The following NBEA variants were observed in gnomAD, a reference collection of about 807,000 sequenced individuals.
NBEA encodes the protein lysosomal-trafficking regulator 2.
A neutral mutation model predicts 343.4 loss-of-function variants in NBEA; 44 were observed. The observed-to-expected ratio is 0.13, with a 90% CI of 0.10 to 0.16. The LOEUF (loss-of-function observed/expected upper bound fraction) is 0.16, where lower values mean the gene tolerates loss of function less well. NBEA is among the 10% of genes least tolerant of loss of function. NBEA has a pLI of 1.00. For synonymous variants in NBEA, 1,175 were observed against 1,238.7 expected, an observed-to-expected ratio of 0.95 and a Z score of 1.08; for missense variants, 2,555 against 3,631.3, an observed-to-expected ratio of 0.70 and a Z score of 7.62.
chr13:35,271,419 T>C (rs892184022), intron 34 of NBEA, among the ~76,000 whole-genome samples: 1 of 152,148 alleles, frequency 6.6e-6, no homozygotes, highest in Admixed American at 6.5e-5. Flanking sequence ...GCAGAAGGGC[T>C]GAAAATTCCA....
chr13:35,308,749 C>A (rs150650388), intron 35 of NBEA, among the ~76,000 whole-genome samples: 1 of 148,934 alleles, frequency 6.7e-6, no homozygotes, highest in East Asian at 2.0e-4. Flanking sequence ...AAATAGAAAT[C>A]ACTAGCATAA....
At chr13:35,321,970 T>C (rs2038180866) in intron 36 of NBEA, among the ~76,000 whole-genome samples, 1 of 152,170 alleles carries the variant, frequency 6.6e-6, no homozygotes, top group Admixed American at 6.5e-5. Flanking sequence ...GGGTCCCAGG[T>C]TGACTTCAGA....
At chr13:35,220,346 A>T (rs1027766490) in intron 33 of NBEA, among the ~76,000 whole-genome samples, 2 of 152,064 alleles carry the variant, frequency 1.3e-5, no homozygotes, top group Non-Finnish European at 2.9e-5. Flanking sequence ...ACCTAGTATC[A>T]TATTTCTTCT....
intron 35 of NBEA, among the ~76,000 whole-genome samples, chr13:35,297,513 C>T (rs1395757112): frequency 2.0e-5 from 3 of 151,956 alleles, no homozygotes; most frequent in African/African-American, 2.4e-5. Context: ...AATATATTAA[C>T]ATTTATGAAG....
At chr13:35,197,901 AG>A (rs2072738712) in intron 31 of NBEA, among the ~76,000 whole-genome samples, 1 of 152,218 alleles carries the variant, frequency 6.6e-6, no homozygotes. Context: ...GAAAATGTTA[AG>A]TGGCACTGGT....
At chr13:35,059,024 GCTT>G (rs776806833) in intron 8 of NBEA, among the ~76,000 whole-genome samples, 161 bp downstream of exon 8, 4 of 151,898 alleles carry the variant, frequency 2.6e-5, no homozygotes, top group Non-Finnish European at 5.9e-5. Flanking sequence ...GTTCAAAGAT[GCTT>G]CTTAACCATT....
intron 41 of NBEA, among the ~76,000 whole-genome samples, chr13:35,531,370 C>T (rs1188920616): frequency 6.6e-6 from 1 of 152,146 alleles, no homozygotes; most frequent in Non-Finnish European, 1.5e-5. Flanking sequence ...GTAGATAGAA[C>T]ATGCCCAAAT....
intron 48 of NBEA, 119 bp from the exon 49 acceptor site, chr13:35,627,962 C>A: frequency 1.4e-6 from 1 of 713,872 alleles, no homozygotes; most frequent in Non-Finnish European, 2.1e-6. Flanking sequence ...AAATCAAGTA[C>A]AGAAATTTAA....
chr13:35,116,540 C>T (rs559283862), intron 13 of NBEA, among the ~76,000 whole-genome samples: 3 of 151,706 alleles, frequency 2.0e-5, no homozygotes, highest in South Asian at 4.2e-4. Context: ...TTATAATAGG[C>T]GGGATGGATT....
chr13:35,579,249 C>T (rs971160175), intron 45 of NBEA, among the ~76,000 whole-genome samples: 1 of 152,010 alleles, frequency 6.6e-6, no homozygotes, highest in Non-Finnish European at 1.5e-5. Flanking sequence ...TGACATTGAC[C>T]ATTCATCAGA....
rs186949585 is a variant in NBEA, at chr13:35,568,647, A to T, written c.7035+1630A>T. On this transcript the variant is annotated intron_variant, in intron 45 of 58. Coordinates refer to ENST00000379939, the MANE Select transcript of NBEA (RefSeq NM_001385012.1). ...ATGCAGGTTGAGTATCCTGTATCTG[A>T]AATGCTTGGGACCAGAGTGTTTTGG... Among the ~76,000 whole-genome samples, 298 of 152,312 alleles carry T rather than the reference A, an allele frequency of 2.0e-3. 3 individuals are homozygous for T. The highest frequency in any genetic ancestry group is 6.1e-3 in the African/African-American group (253 of 41,570).
intron 11 of NBEA, among the ~76,000 whole-genome samples, chr13:35,103,106 T>G: frequency 6.6e-6 from 1 of 151,816 alleles, no homozygotes; most frequent in Non-Finnish European, 1.5e-5. Flanking sequence ...ACATCTTTTC[T>G]GTAGTACTTG....
chr13:35,580,979 T>G (rs1039226394), intron 45 of NBEA, among the ~76,000 whole-genome samples: 7 of 152,226 alleles, frequency 4.6e-5, no homozygotes, highest in Non-Finnish European at 5.9e-5. Flanking sequence ...ACATGCTCCT[T>G]TTTAAAGAAT....
At chr13:35,245,353 C>CT (rs1229699783) in intron 34 of NBEA, among the ~76,000 whole-genome samples, 33 of 151,458 alleles carry the variant, frequency 2.2e-4, no homozygotes, top group Admixed American at 8.5e-4. Flanking sequence ...TTGATGAATC[C>CT]TTTTTTTTGT....
rs767189803 is a variant in NBEA, at chr13:35,184,025, T to G, written c.4881T>G (p.Leu1627=). The change falls in exon 30 of 59, where the codon CTT becomes CTG. Residue 1627 remains leucine, a synonymous_variant. Coordinates refer to ENST00000379939, the MANE Select transcript of NBEA (RefSeq NM_001385012.1). Reference sequence around the variant, plus strand: ...ATCCAAGTTTGAACCATGGATTCCTTGCCAAGTTAATTCCTGAGCAGAGCT... The same window carrying G: ...ATCCAAGTTTGAACCATGGATTCCTGGCCAAGTTAATTCCTGAGCAGAGCT... ...IPHPSLNHGF[L]AKLIPEQSFG... is the part of the protein sequence containing the mutation. 1.2e-6 allele frequency: 2 copies of G among 1,611,886 alleles called. No homozygotes were observed. Among genetic ancestry groups the G allele is most frequent in the East Asian group, 2.2e-5 (1 of 44,726 alleles).
chr13:34,984,472 T>G (rs1236357040), intron 1 of NBEA, among the ~76,000 whole-genome samples: 1 of 152,216 alleles, frequency 6.6e-6, no homozygotes, highest in African/African-American at 2.4e-5. Context: ...TGAAGTCACT[T>G]AGTGTGATGC....
Position 35,161,750 on chromosome 13 carries a change from G to A in NBEA, c.3862G>A (p.Ala1288Thr). 1 of 1,606,824 alleles carries A rather than the reference G, an allele frequency of 6.2e-7. No homozygotes were observed. The highest frequency in any genetic ancestry group is 2.2e-5 in the East Asian group (1 of 44,592). Reference protein sequence around the residue: ...RKIQTTTTTQAVQGRSITQQD... With the variant: ...RKIQTTTTTQTVQGRSITQQD... ...AAAAGTTCATCTTTTCCTTCTTTAG[G>A]CTGTGCAGGGTCGGTCTATCACCCA... The change falls in exon 23 of 59, where the codon GCT (alanine) becomes ACT (threonine). Residue 1288 changes from alanine (A) to threonine (T), a missense_variant and splice_region_variant. By Grantham distance (58) the Ala-to-Thr change is moderately conservative (BLOSUM62 0). Around this residue, in one of 21 missense-constraint regions of NBEA, gnomAD observed 367 missense variants for 377.5 expected, o/e 0.97. Coordinates refer to ENST00000379939, the MANE Select transcript of NBEA (RefSeq NM_001385012.1).
intron 41 of NBEA, among the ~76,000 whole-genome samples, chr13:35,530,764 C>T (rs1279608356): frequency 1.3e-5 from 2 of 152,124 alleles, no homozygotes; most frequent in African/African-American, 4.8e-5. Context: ...GAAAAACAAT[C>T]TTGGGACTTG....
chr13:35,601,082 C>G (rs937280470), intron 47 of NBEA, among the ~76,000 whole-genome samples: 1 of 151,992 alleles, frequency 6.6e-6, no homozygotes, highest in African/African-American at 2.4e-5. Flanking sequence ...GATGCTGAGG[C>G]TCAAGAATCG....
Sources: gnomAD v4.1 joint callset for allele counts (sites outside exome capture counted in the v4.1 genomes callset) on GRCh38, gnomAD v4.1.1 for gene constraint, gnomAD v4.1.1 regional missense constraint, MANE v1.5 for transcripts, NCBI Gene and HGNC (gene_info 2026-07-23, HGNC 2026-07-21) for gene names.